Variants in PARD3B observed in about 807,000 individuals in gnomAD.
The protein encoded by PARD3B is par-3 family cell polarity regulator beta, also known as partitioning defective 3 homolog B.
A neutral mutation model predicts 130.2 loss-of-function variants in PARD3B; 103 were observed. That is an observed-to-expected ratio of 0.79 (90% CI 0.67 to 0.93). The LOEUF (loss-of-function observed/expected upper bound fraction) is 0.93, where lower values mean the gene tolerates loss of function less well. Among genes scored for constraint, PARD3B ranks in the 40% least tolerant of loss-of-function variants. PARD3B has a pLI of 0.00. For synonymous variants in PARD3B, 583 were observed against 553.2 expected (o/e 1.05, Z -0.76); for missense variants, 1,609 against 1,499.2 (o/e 1.07, Z -1.21).
intron 2 of PARD3B, among the ~76,000 whole-genome samples, chr2:204,911,198 A>G (rs746991764): frequency 3.3e-5 from 5 of 152,254 alleles, no homozygotes; most frequent in Non-Finnish European, 5.9e-5. Flanking sequence ...TGCACAAACG[A>G]GACAGCATGT....
At chr2:205,545,552 A>C (rs772672482) in intron 21 of PARD3B, among the ~76,000 whole-genome samples, 6 of 152,138 alleles carry the variant, frequency 3.9e-5, no homozygotes, top group Non-Finnish European at 5.9e-5. Flanking sequence ...TTTGTAATGG[A>C]TCTAAGTAAG....
At position 205,176,887 on chromosome 2, in the gene PARD3B, A is replaced by G. The variant is rs1478727294; in HGVS notation, c.1924+310A>G. On this transcript the variant is annotated intron_variant, in intron 13 of 22. Coordinates refer to ENST00000406610, the MANE Select transcript of PARD3B (RefSeq NM_001302769.2). This position sits in a 1 kb window ranked among gnomAD's most constrained non-coding sequence, Gnocchi z 5.3. ...AAACTGTTATTTTTAAGCTCTTCTA[A>G]TACTGGAAGTTACCAAGTATAAATA... Among the ~76,000 whole-genome samples the G allele has an allele frequency of 1.3e-5, 2 of 152,216 alleles. No individual in the cohort carries two copies. The highest frequency in any genetic ancestry group is 6.5e-5 in the Admixed American group (1 of 15,282).
intron 22 of PARD3B, among the ~76,000 whole-genome samples, chr2:205,611,939 T>G (rs963703252): frequency 4.6e-5 from 7 of 152,202 alleles, no homozygotes; most frequent in Non-Finnish European, 1.0e-4. Flanking sequence ...GCCCCTGGAT[T>G]CCTCAGGGTT....
intron 10 of PARD3B, among the ~76,000 whole-genome samples, chr2:205,135,082 C>T (rs2032364848): frequency 6.6e-6 from 1 of 152,190 alleles, no homozygotes; most frequent in Admixed American, 6.5e-5. Context: ...TATGATTATG[C>T]TTCTGGAGAC....
At chr2:205,282,569 C>T (rs2041232890) in intron 16 of PARD3B, among the ~76,000 whole-genome samples, 2 of 151,004 alleles carry the variant, frequency 1.3e-5, no homozygotes, top group South Asian at 4.2e-4. Flanking sequence ...AATTGTTTCC[C>T]CAATCATGTT....
At chr2:205,323,728 A>G (rs2042838749) in intron 18 of PARD3B, among the ~76,000 whole-genome samples, 1 of 152,214 alleles carries the variant, frequency 6.6e-6, no homozygotes, top group Admixed American at 6.5e-5. Context: ...GGAAGGAATA[A>G]TGAGACATAA....
intron 20 of PARD3B, 111 bp from the exon 21 acceptor site, chr2:205,499,785 A>G (rs2050089383): frequency 3.3e-6 from 4 of 1,211,690 alleles, no homozygotes; most frequent in Non-Finnish European, 4.5e-6. Context: ...TTTGAATTAC[A>G]TTATTGAATC....
chr2:204,902,673 AAAAAAAAAAAAAAAAAAAAG>A (rs1243906845), intron 2 of PARD3B, among the ~76,000 whole-genome samples: 1 of 150,806 alleles, frequency 6.6e-6, no homozygotes, highest in African/African-American at 2.4e-5. Flanking sequence ...TGTCTCAAAA[AAAAAAAAAAAAAAAAAAAAG>A]AATGAGTTTC....
At chr2:205,201,062 AT>A (rs2036961435) in intron 15 of PARD3B, among the ~76,000 whole-genome samples, 1 of 152,184 alleles carries the variant, frequency 6.6e-6, no homozygotes, top group African/African-American at 2.4e-5. Context: ...TGGGTACAAT[AT>A]TTTAATAACT....
intron 2 of PARD3B, among the ~76,000 whole-genome samples, chr2:204,919,664 T>TTTC (rs1303961407): frequency 2.0e-5 from 3 of 152,198 alleles, no homozygotes; most frequent in African/African-American, 7.2e-5. Flanking sequence ...ATCTGGGATT[T>TTTC]TTCCAGTTTT....
rs2046293494 is a variant in PARD3B, at chr2:204,887,075, G to A, written c.223-78077G>A. 6.6e-6 allele frequency among the ~76,000 whole-genome samples: 1 copy of A among 152,070 alleles called. No individual in the cohort carries two copies. Among genetic ancestry groups the A allele is most frequent in the Non-Finnish European group, 1.5e-5 (1 of 67,992 alleles). ...ATCAGTTTTTTTTAATCAGCTTTTA[G>A]TTCCATCTGTTCAAGAATAGGTAAA... On this transcript the variant is annotated intron_variant, in intron 2 of 22. Coordinates refer to ENST00000406610, the MANE Select transcript of PARD3B (RefSeq NM_001302769.2). This position sits in a 1 kb window ranked among gnomAD's most constrained non-coding sequence, Gnocchi z 4.2.
intron 1 of PARD3B, among the ~76,000 whole-genome samples, chr2:204,579,168 A>G (rs1012223234): frequency 1.3e-5 from 2 of 151,898 alleles, no homozygotes; most frequent in African/African-American, 2.4e-5. Context: ...AGTAATAATC[A>G]TAATCATGGC....
chr2:204,727,457 A>G lies in PARD3B; in HGVS notation c.222+41175A>G, dbSNP rs540626579. 3.3e-5 allele frequency among the ~76,000 whole-genome samples: 5 copies of G among 152,316 alleles called. No individual in the cohort carries two copies. The South Asian group carries it at 1.0e-3, about 32-fold the overall frequency. On this transcript the variant is annotated intron_variant, in intron 2 of 22. Transcript: ENST00000406610. Reference sequence around the variant, plus strand: ...GTCATGGTTTTTCTATAATTTTACCATAGCAAATATGTGAATTGTCTGTGG... The same window carrying G: ...GTCATGGTTTTTCTATAATTTTACCGTAGCAAATATGTGAATTGTCTGTGG...
intron 3 of PARD3B, among the ~76,000 whole-genome samples, chr2:204,985,861 G>A (rs886892567): frequency 6.6e-6 from 1 of 152,086 alleles, no homozygotes; most frequent in African/African-American, 2.4e-5. Context: ...AGCACTTTAG[G>A]AGGCCGAGGT....
At chr2:205,583,569 A>G (rs2054083534) in intron 22 of PARD3B, among the ~76,000 whole-genome samples, 1 of 152,162 alleles carries the variant, frequency 6.6e-6, no homozygotes, top group Non-Finnish European at 1.5e-5. Flanking sequence ...TGTTATGTGT[A>G]TTCACTCATT....
At chr2:205,358,029 T>C (rs1380954619) in intron 18 of PARD3B, among the ~76,000 whole-genome samples, 1 of 152,162 alleles carries the variant, frequency 6.6e-6, no homozygotes, top group East Asian at 1.9e-4. Flanking sequence ...GGTGAATCTT[T>C]CAAAGATGAG....
At chr2:205,048,467 A>G (rs1698953710) in intron 4 of PARD3B, 2 of 152,208 alleles carry the variant, frequency 1.3e-5, no homozygotes, top group Admixed American at 1.3e-4. Flanking sequence ...CCTCTCAGAT[A>G]GCCTGAGAAT....
At chr2:205,256,564 G>A (rs2040095846) in intron 16 of PARD3B, among the ~76,000 whole-genome samples, 1 of 152,116 alleles carries the variant, frequency 6.6e-6, no homozygotes, top group African/African-American at 2.4e-5. Context: ...GGGACCTTCT[G>A]CTTTATCTGT....
At chr2:205,036,122 A>G (rs905623275) in intron 3 of PARD3B, among the ~76,000 whole-genome samples, 3 of 146,284 alleles carry the variant, frequency 2.1e-5, no homozygotes, top group African/African-American at 7.4e-5. Context: ...GTTTCATTAT[A>G]CAGAGGTACA....
Sources: gnomAD v4.1 joint callset for allele counts (sites outside exome capture counted in the v4.1 genomes callset) on GRCh38, gnomAD v4.1.1 for gene constraint, Gnocchi (gnomAD v3.1) non-coding constraint, MANE v1.5 for transcripts, NCBI Gene and HGNC (gene_info 2026-07-23, HGNC 2026-07-21) for gene names.